KCNAB1: variants seen among roughly 807,000 people sequenced by gnomAD.
KCNAB1 encodes the protein potassium voltage-gated channel subfamily A regulatory beta subunit 1.
KCNAB1 carries 35 observed loss-of-function variants against 64.6 expected under a neutral mutation model. That is an observed-to-expected ratio of 0.54 (90% CI 0.41 to 0.72). The LOEUF (loss-of-function observed/expected upper bound fraction) is 0.72. Among genes scored for constraint, KCNAB1 ranks in the 30% least tolerant of loss-of-function variants. KCNAB1 has a pLI of 0.00. For synonymous variants in KCNAB1, 177 were observed against 183.8 expected (o/e 0.96, Z 0.30); for missense variants, 401 against 512.9 (o/e 0.78, Z 2.11).
In KCNAB1 at chr3:156,228,987, G is replaced by A. The variant is rs981342104; in HGVS notation, c.275+108101G>A. Among the ~76,000 whole-genome samples, 7 of 152,150 alleles carry A rather than the reference G, an allele frequency of 4.6e-5. 1 individual carries two copies. Among genetic ancestry groups the A allele is most frequent in the Non-Finnish European group, 8.8e-5 (6 of 68,032 alleles). ...TGTTCTAGTGTGGAGTTTGGGGAGAGGGCACTAGACATACCCCAGAGGCAT... is the reference window on the plus strand; with the variant it reads ...TGTTCTAGTGTGGAGTTTGGGGAGAAGGCACTAGACATACCCCAGAGGCAT... On this transcript the variant is annotated intron_variant, in intron 1 of 13. Coordinates refer to ENST00000490337, the MANE Select transcript of KCNAB1 (RefSeq NM_172160.3).
chr3:156,287,915 T>C (rs1343585811), intron 1 of KCNAB1, among the ~76,000 whole-genome samples: 2 of 152,126 alleles, frequency 1.3e-5, no homozygotes, highest in East Asian at 3.8e-4. Flanking sequence ...TGAGCTCCAA[T>C]AGTTTCTTGC....
intron 1 of KCNAB1, among the ~76,000 whole-genome samples, chr3:156,254,848 A>G (rs1392219558): frequency 1.3e-5 from 2 of 152,208 alleles, no homozygotes; most frequent in Non-Finnish European, 2.9e-5. Context: ...ATCTCAAAGC[A>G]TTTCCTGATT....
intron 1 of KCNAB1, among the ~76,000 whole-genome samples, chr3:156,278,168 T>C (rs940050092): frequency 6.6e-6 from 1 of 152,202 alleles, no homozygotes; most frequent in Non-Finnish European, 1.5e-5. Flanking sequence ...TATTAGATGT[T>C]ATGAGATAAA....
chr3:156,457,174 C>G, intron 3 of KCNAB1: 1 of 1,193,870 alleles, frequency 8.4e-7, no homozygotes, highest in Non-Finnish European at 1.0e-6. Flanking sequence ...GTCAAACCAG[C>G]TCTTCCCAGC....
chr3:156,396,316 T>G (rs1336658980), intron 1 of KCNAB1, among the ~76,000 whole-genome samples: 2 of 152,144 alleles, frequency 1.3e-5, no homozygotes. Context: ...AAAAAGAAAA[T>G]AGAAACAACA....
At chr3:156,192,817 A>C (rs1713641580) in intron 1 of KCNAB1, among the ~76,000 whole-genome samples, 1 of 151,964 alleles carries the variant, frequency 6.6e-6, no homozygotes, top group African/African-American at 2.4e-5. Context: ...GGCTTTCTTT[A>C]GATTAGTATT....
At chr3:156,420,707 A>G (rs955599893) in intron 1 of KCNAB1, among the ~76,000 whole-genome samples, 1 of 152,176 alleles carries the variant, frequency 6.6e-6, no homozygotes, top group South Asian at 2.1e-4. Context: ...GGACCCTTAC[A>G]CTAATGCTAT....
chr3:156,162,951 A>G (rs1716168004), intron 1 of KCNAB1, among the ~76,000 whole-genome samples: 1 of 152,200 alleles, frequency 6.6e-6, no homozygotes, highest in East Asian at 1.9e-4. Flanking sequence ...ATAATTCACA[A>G]AACTTTGGTG....
intron 1 of KCNAB1, among the ~76,000 whole-genome samples, chr3:156,216,383 A>G (rs1404279936): frequency 1.3e-5 from 2 of 152,244 alleles, no homozygotes; most frequent in East Asian, 3.8e-4. Flanking sequence ...TAGGCATGCC[A>G]TGTTTCCAGG....
chr3:156,279,078 C>G (rs1719534403), intron 1 of KCNAB1, among the ~76,000 whole-genome samples: 1 of 151,766 alleles, frequency 6.6e-6, no homozygotes, highest in Non-Finnish European at 1.5e-5. Context: ...AACTCATCAT[C>G]TAGCATTAGG....
chr3:156,384,546 G>T (rs1163686569), intron 1 of KCNAB1, among the ~76,000 whole-genome samples: 1 of 152,126 alleles, frequency 6.6e-6, no homozygotes, highest in Non-Finnish European at 1.5e-5. Flanking sequence ...TCTATTTCTA[G>T]GGAGACCAAA....
At chr3:156,437,296 T>C (rs78610198) in intron 2 of KCNAB1, among the ~76,000 whole-genome samples, 2,863 of 152,286 alleles carry the variant, frequency 0.019, 84 homozygotes, top group South Asian at 0.11. Context: ...GAAAATCTAA[T>C]TGTATTTTTG....
At chr3:156,311,510 G>T (rs575928401) in intron 1 of KCNAB1, among the ~76,000 whole-genome samples, 3 of 152,318 alleles carry the variant, frequency 2.0e-5, no homozygotes, top group African/African-American at 7.2e-5. Flanking sequence ...GGTGAGCTGT[G>T]TGAGGTGGAG....
chr3:156,307,232 G>T (rs1325779554), intron 1 of KCNAB1, among the ~76,000 whole-genome samples: 3 of 152,116 alleles, frequency 2.0e-5, no homozygotes, highest in Non-Finnish European at 2.9e-5. Context: ...CAAAGATGAG[G>T]ACATATGCTT....
chr3:156,264,348 TTGTC>T, intron 1 of KCNAB1, among the ~76,000 whole-genome samples: 1 of 152,120 alleles, frequency 6.6e-6, no homozygotes, highest in African/African-American at 2.4e-5. Flanking sequence ...ATGACAATCT[TTGTC>T]TTTTCATTTA....
chr3:156,383,635 G>A (rs1006136587), intron 1 of KCNAB1, among the ~76,000 whole-genome samples: 2 of 152,132 alleles, frequency 1.3e-5, no homozygotes, highest in African/African-American at 2.4e-5. Flanking sequence ...ACCCCACCCT[G>A]ATACTTGGCA....
chr3:156,348,097 G>GA (rs1220815409), intron 1 of KCNAB1, among the ~76,000 whole-genome samples: 1 of 151,820 alleles, frequency 6.6e-6, no homozygotes, highest in Non-Finnish European at 1.5e-5. Context: ...AGATATGAAG[G>GA]GAAAAAAACA....
chr3:156,125,124 C>A (rs1713573944), intron 1 of KCNAB1, among the ~76,000 whole-genome samples: 5 of 148,868 alleles, frequency 3.4e-5, no homozygotes, highest in Admixed American at 3.3e-4. Flanking sequence ...GGTGACAGAG[C>A]AACACTCCAC....
intron 8 of KCNAB1, among the ~76,000 whole-genome samples, chr3:156,483,439 A>G (rs1576924846): frequency 6.6e-6 from 1 of 151,992 alleles, no homozygotes; most frequent in Admixed American, 6.6e-5. Context: ...GCATATGGAT[A>G]TGTTGTCAAT....
Sources: gnomAD v4.1 joint callset for allele counts (sites outside exome capture counted in the v4.1 genomes callset) on GRCh38, gnomAD v4.1.1 for gene constraint, MANE v1.5 for transcripts, NCBI Gene and HGNC (gene_info 2026-07-23, HGNC 2026-07-21) for gene names.